The following WASF3 variants were observed in gnomAD, a reference collection of about 807,000 sequenced individuals.
WASF3 encodes the protein actin-binding protein WASF3.
A neutral mutation model predicts 46.6 loss-of-function variants in WASF3; 11 were observed. The ratio of observed to expected loss-of-function variants is 0.24; its 90% confidence interval spans 0.15 to 0.39. The LOEUF (loss-of-function observed/expected upper bound fraction) is 0.39. Among genes scored for constraint, WASF3 ranks in the 10% least tolerant of loss-of-function variants. The pLI is 1.00. For synonymous variants in WASF3, 242 were observed against 259.7 expected, an observed-to-expected ratio of 0.93 and a Z score of 0.65; for missense variants, 576 against 669.8, an observed-to-expected ratio of 0.86 and a Z score of 1.55.
rs933429766 is a variant in WASF3, at chr13:26,607,575, T to C, written c.-108-5386T>C. Among the ~76,000 whole-genome samples, 6 of 152,064 alleles carry C rather than the reference T, an allele frequency of 3.9e-5. No individual in the cohort carries two copies. The East Asian group carries it at 7.7e-4, about 20-fold the overall frequency. Reference sequence around the variant, plus strand: ...GCCTCTTCTGATTGGTGGCCATGAATCTCTTATTTTTGTTTTTTGTTTTTA... The same window carrying C: ...GCCTCTTCTGATTGGTGGCCATGAACCTCTTATTTTTGTTTTTTGTTTTTA... On this transcript the variant is annotated intron_variant, in intron 1 of 9. Coordinates refer to ENST00000335327, the MANE Select transcript of WASF3 (RefSeq NM_006646.6).
intron 1 of WASF3, among the ~76,000 whole-genome samples, chr13:26,611,255 A>G (rs1251667757): frequency 6.6e-6 from 1 of 152,058 alleles, no homozygotes; most frequent in Non-Finnish European, 1.5e-5. Context: ...TTTTGATCCT[A>G]ATTTCTTCAT....
At chr13:26,553,207 C>T (rs1879006825), upstream of WASF3, among the ~76,000 whole-genome samples, 1 of 152,206 alleles carries the variant, frequency 6.6e-6, no homozygotes, top group Admixed American at 6.5e-5. Flanking sequence ...TCACTTGCAT[C>T]ACCAGTATTC....
At position 26,667,521 on chromosome 13, in the gene WASF3, A is replaced by C; in HGVS notation, c.273A>C (p.Ser91=). 6.2e-7 allele frequency: 1 copy of C among 1,613,474 alleles called. No homozygotes were observed. The highest frequency in any genetic ancestry group is 8.5e-7 in the Non-Finnish European group (1 of 1,179,708). The change falls in exon 5 of 10, where the codon TCA becomes TCC. Residue 91 remains serine (S), a synonymous_variant. Coordinates refer to ENST00000335327, the MANE Select transcript of WASF3 (RefSeq NM_006646.6). Reference sequence around the variant, plus strand: ...TGGGGGATTTTCTCTAAATAGTCTCACTACAGGATATCAACATGAAAAAAG... The same window carrying C: ...TGGGGGATTTTCTCTAAATAGTCTCCCTACAGGATATCAACATGAAAAAAG... ...TQLDSTVEEV[S]LQDINMKKAF...
intron 1 of WASF3, 141 bp downstream of exon 1, chr13:26,557,960 G>A: frequency 4.1e-6 from 1 of 243,742 alleles, no homozygotes; most frequent in East Asian, 7.5e-5. Flanking sequence ...CGGCCGGGCG[G>A]CGGGGCCCAC....
At chr13:26,573,500 C>G (rs1879700113) in intron 1 of WASF3, among the ~76,000 whole-genome samples, 1 of 151,772 alleles carries the variant, frequency 6.6e-6, no homozygotes, top group Non-Finnish European at 1.5e-5. Flanking sequence ...CTTTTGTTTC[C>G]TTGATTACTA....
At chr13:26,576,795 T>G (rs1297412217) in intron 1 of WASF3, 1 of 398,150 alleles carries the variant, frequency 2.5e-6, no homozygotes, top group African/African-American at 2.0e-5. Context: ...AGAGGTTCTA[T>G]GTATTCTTTA....
intron 3 of WASF3, among the ~76,000 whole-genome samples, chr13:26,648,739 A>G (rs548321813): frequency 3.3e-5 from 5 of 152,324 alleles, no homozygotes; most frequent in Admixed American, 2.6e-4. Context: ...TGCATCTCTC[A>G]TGAACAAAGA....
At chr13:26,603,842 G>C (rs1880715086) in intron 1 of WASF3, among the ~76,000 whole-genome samples, 1 of 152,158 alleles carries the variant, frequency 6.6e-6, no homozygotes, top group South Asian at 2.1e-4. Flanking sequence ...TGTCTACCAG[G>C]TGATTCATAG....
intron 1 of WASF3, among the ~76,000 whole-genome samples, chr13:26,577,929 A>T (rs957490524): frequency 1.3e-5 from 2 of 152,188 alleles, no homozygotes; most frequent in African/African-American, 4.8e-5. Flanking sequence ...TAGTCACTAC[A>T]GTTGATTTCT....
At chr13:26,605,520 G>GA (rs921498954) in intron 1 of WASF3, among the ~76,000 whole-genome samples, 3 of 151,648 alleles carry the variant, frequency 2.0e-5, no homozygotes, top group Admixed American at 6.6e-5. Context: ...TGCATTTGGG[G>GA]AAAAAAAATA....
chr13:26,664,057 C>T (rs932537458), intron 3 of WASF3, among the ~76,000 whole-genome samples: 21 of 152,230 alleles, frequency 1.4e-4, no homozygotes, highest in African/African-American at 3.1e-4. Context: ...ATGGAACACA[C>T]GGAGTTCACA....
At chr13:26,674,273 G>C (rs570689306) in intron 6 of WASF3, among the ~76,000 whole-genome samples, 3 of 152,212 alleles carry the variant, frequency 2.0e-5, no homozygotes, top group Admixed American at 2.0e-4. Context: ...TAAAAAGTAA[G>C]GGGAATAGTT....
chr13:26,570,701 T>G (rs1339417224), intron 1 of WASF3, among the ~76,000 whole-genome samples: 1 of 152,238 alleles, frequency 6.6e-6, no homozygotes, highest in Non-Finnish European at 1.5e-5. Context: ...TCTTCTGTGT[T>G]TGGACATTTA....
intron 3 of WASF3, among the ~76,000 whole-genome samples, chr13:26,655,935 T>C (rs1483866779): frequency 6.6e-6 from 1 of 152,204 alleles, no homozygotes; most frequent in African/African-American, 2.4e-5. Context: ...TAGGTTCATG[T>C]GGTTTTCTGC....
chr13:26,565,612 A>G (rs1331478093), intron 1 of WASF3, among the ~76,000 whole-genome samples: 1 of 152,228 alleles, frequency 6.6e-6, no homozygotes, highest in African/African-American at 2.4e-5. Context: ...AAACCCAGAA[A>G]TACACAGTAA....
At chr13:26,668,780 G>C (rs550024448) in intron 5 of WASF3, among the ~76,000 whole-genome samples, 1 of 152,266 alleles carries the variant, frequency 6.6e-6, no homozygotes, top group East Asian at 1.9e-4. Context: ...AAGATGCCAC[G>C]CCTTTTTATG....
At chr13:26,562,850 TCC>T (rs1879336459) in intron 1 of WASF3, among the ~76,000 whole-genome samples, 1 of 36,340 alleles carries the variant, frequency 2.8e-5, no homozygotes, top group African/African-American at 1.2e-4. Context: ...TCCCCTCCCC[TCC>T]CCTCTCCTCC....
At chr13:26,588,716 C>T (rs1290425800) in intron 1 of WASF3, among the ~76,000 whole-genome samples, 1 of 152,160 alleles carries the variant, frequency 6.6e-6, no homozygotes, top group Non-Finnish European at 1.5e-5. Context: ...CTGGCCAACA[C>T]CGGGATTTTT....
chr13:26,574,470 T>G (rs1879732290), intron 1 of WASF3, among the ~76,000 whole-genome samples: 1 of 152,194 alleles, frequency 6.6e-6, no homozygotes, highest in Admixed American at 6.5e-5. Context: ...CTTGATTTTT[T>G]TTTTGTCTGA....
Sources: gnomAD v4.1 joint callset for allele counts (sites outside exome capture counted in the v4.1 genomes callset) on GRCh38, gnomAD v4.1.1 for gene constraint, MANE v1.5 for transcripts, NCBI Gene and HGNC (gene_info 2026-07-23, HGNC 2026-07-21) for gene names.